The following COL22A1 variants were observed in gnomAD, a reference collection of about 807,000 sequenced individuals.
The protein encoded by COL22A1 is collagen alpha-1(XXII) chain.
A neutral mutation model predicts 248.9 loss-of-function variants in COL22A1; 221 were observed. The observed-to-expected ratio is 0.89, with a 90% CI of 0.80 to 0.99. The LOEUF (loss-of-function observed/expected upper bound fraction) is 0.99. Ranked by LOEUF, COL22A1 falls within the 50% of genes least tolerant of loss-of-function variation. COL22A1 has a pLI of 0.00. For synonymous variants in COL22A1, 891 were observed against 793.4 expected (o/e 1.12, Z -2.07); for missense variants, 2,240 against 2,179.0 (o/e 1.03, Z -0.56).
intron 9 of COL22A1, among the ~76,000 whole-genome samples, chr8:138,809,066 A>AT (rs35173710): frequency 2.3e-4 from 35 of 149,458 alleles, no homozygotes; most frequent in East Asian, 4.1e-4. Flanking sequence ...CCTGTGTTGT[A>AT]TTTTTTTTTT....
At chr8:138,663,035 C>A (rs908703137) in intron 42 of COL22A1, among the ~76,000 whole-genome samples, 3 of 151,996 alleles carry the variant, frequency 2.0e-5, no homozygotes, top group African/African-American at 7.2e-5. Flanking sequence ...CACACACACA[C>A]AAAGCAATCC....
chr8:138,722,856 G>GGT (rs1242249838), intron 25 of COL22A1, among the ~76,000 whole-genome samples: 1 of 128,392 alleles, frequency 7.8e-6, no homozygotes, highest in African/African-American at 2.8e-5. Flanking sequence ...GGGGCGGGGG[G>GGT]GGGGTGGTGG....
rs542234960 is a variant in COL22A1 at position 138,802,105 on chromosome 8, C to T, written c.1557+767G>A. On this transcript the variant is annotated intron_variant, in intron 11 of 64. Coordinates refer to ENST00000303045, the MANE Select transcript of COL22A1 (RefSeq NM_152888.3). ...ATCAATTTATTTAATCTTCATAATG[C>T]TACTGAATACGTTATTTTATTATCC... 7.9e-5 allele frequency among the ~76,000 whole-genome samples: 12 copies of T among 152,212 alleles called. No individual in the cohort carries two copies. In the South Asian group the frequency reaches 2.5e-3, roughly 32 times the overall value.
chr8:138,834,768 A>T (rs1053191165), intron 4 of COL22A1, among the ~76,000 whole-genome samples: 1 of 152,216 alleles, frequency 6.6e-6, no homozygotes, highest in Non-Finnish European at 1.5e-5. Flanking sequence ...CTGTTTTCTC[A>T]TCACAATTAC....
At chr8:138,766,564 GA>G (rs949164352) in intron 16 of COL22A1, among the ~76,000 whole-genome samples, 1 of 152,062 alleles carries the variant, frequency 6.6e-6, no homozygotes, top group Non-Finnish European at 1.5e-5. Context: ...GAGAGAGACA[GA>G]AAAAGACAGA....
chr8:138,902,203 T>C (rs1814639504), intron 1 of COL22A1, among the ~76,000 whole-genome samples: 1 of 152,088 alleles, frequency 6.6e-6, no homozygotes, highest in African/African-American at 2.4e-5. Flanking sequence ...GTGGCAAAGG[T>C]GGCCAGAGGA....
At chr8:138,807,625 G>T in intron 10 of COL22A1, 143 bp downstream of exon 10, 1 of 724,830 alleles carries the variant, frequency 1.4e-6, no homozygotes. Flanking sequence ...TATGACATTT[G>T]CTCTTATCCA....
intron 1 of COL22A1, among the ~76,000 whole-genome samples, chr8:138,890,607 C>T (rs1824993809): frequency 6.6e-6 from 1 of 152,106 alleles, no homozygotes; most frequent in African/African-American, 2.4e-5. Context: ...ATCACCATGT[C>T]CAGCTACGGA....
chr8:138,705,429 T>C (rs1011882499), intron 30 of COL22A1, among the ~76,000 whole-genome samples: 16 of 152,098 alleles, frequency 1.1e-4, no homozygotes, highest in Non-Finnish European at 1.8e-4. Context: ...TAACAGCGGA[T>C]CTCTCAGCAG....
chr8:138,630,743 T>G lies in COL22A1; in HGVS notation c.3615A>C (p.Ala1205=). The change falls in exon 50 of 65, where the codon GCA becomes GCC. Residue 1205 remains alanine (A), a synonymous_variant. Transcript: ENST00000303045. Reference sequence around the variant, plus strand: ...GTCCAGCAGCTCCTGCAATTCCATCTGCCCCCTAAAAAAGACAAGGCAGAA... The same window carrying G: ...GTCCAGCAGCTCCTGCAATTCCATCGGCCCCCTAAAAAAGACAAGGCAGAA... ...GPPGNPGPPG[A]DGIAGAAGPP... is the part of the protein sequence containing the mutation. The G allele has an allele frequency of 6.2e-7, 1 of 1,613,894 alleles. No individual in the cohort carries two copies. The highest frequency in any genetic ancestry group is 1.1e-5 in the South Asian group (1 of 91,072).
At chr8:138,613,758 C>T (rs1162054220) in intron 56 of COL22A1, 109 bp downstream of exon 56, 4 of 1,062,570 alleles carry the variant, frequency 3.8e-6, no homozygotes, top group East Asian at 2.4e-5. Context: ...AAACATATTA[C>T]AATTTTTTAA....
intron 3 of COL22A1, among the ~76,000 whole-genome samples, chr8:138,871,974 C>G (rs962583207): frequency 1.3e-5 from 2 of 152,170 alleles, no homozygotes; most frequent in African/African-American, 4.8e-5. Flanking sequence ...ACTAATCTCC[C>G]TGATCATGGC....
chr8:138,692,268 G>GA (rs1827102117), intron 35 of COL22A1, among the ~76,000 whole-genome samples: 1 of 130,584 alleles, frequency 7.7e-6, no homozygotes, highest in Non-Finnish European at 1.8e-5. Flanking sequence ...GTGTGTGCAT[G>GA]TTTGTGTGCA....
At chr8:138,673,206 G>T (rs1046892719) in intron 41 of COL22A1, among the ~76,000 whole-genome samples, 1 of 130,602 alleles carries the variant, frequency 7.7e-6, no homozygotes. Flanking sequence ...ACTTACAGCC[G>T]ATCTATTTTT....
intron 3 of COL22A1, among the ~76,000 whole-genome samples, chr8:138,854,266 T>A (rs1383425822): frequency 6.6e-6 from 1 of 152,204 alleles, no homozygotes; most frequent in Non-Finnish European, 1.5e-5. Context: ...GTCCACCATC[T>A]GCTGGGACAT....
intron 11 of COL22A1, among the ~76,000 whole-genome samples, chr8:138,799,149 TTACA>T (rs1374247070): frequency 6.6e-6 from 1 of 152,192 alleles, no homozygotes; most frequent in African/African-American, 2.4e-5. Flanking sequence ...ACCCCAGAAC[TTACA>T]TTTGGTTCTT....
At chr8:138,616,987 T>C (rs1212490974) in intron 53 of COL22A1, 29 bp from the exon 54 acceptor site, 5 of 1,613,968 alleles carry the variant, frequency 3.1e-6, no homozygotes, top group Non-Finnish European at 4.2e-6. Context: ...AGTTATTCCA[T>C]GATAGAGCAG....
At chr8:138,881,580 G>C (rs1297160624) in intron 2 of COL22A1, among the ~76,000 whole-genome samples, 2 of 152,220 alleles carry the variant, frequency 1.3e-5, no homozygotes, top group African/African-American at 4.8e-5. Context: ...AGCTATGCAG[G>C]AGGCTGAGGC....
intron 1 of COL22A1, among the ~76,000 whole-genome samples, chr8:138,884,141 C>T (rs1368792761): frequency 6.6e-6 from 1 of 152,246 alleles, no homozygotes; most frequent in East Asian, 1.9e-4. Flanking sequence ...CAATGCTGAG[C>T]TCAGATGCTC....
Sources: gnomAD v4.1 joint callset for allele counts (sites outside exome capture counted in the v4.1 genomes callset) on GRCh38, gnomAD v4.1.1 for gene constraint, MANE v1.5 for transcripts, NCBI Gene and HGNC (gene_info 2026-07-23, HGNC 2026-07-21) for gene names.